TRIP12: variants seen among roughly 807,000 people sequenced by gnomAD.
TRIP12 encodes thyroid hormone receptor interactor 12.
TRIP12 carries 25 observed loss-of-function variants against 244.2 expected under a neutral mutation model. The ratio of observed to expected loss-of-function variants is 0.10; its 90% CI spans 0.07 to 0.14. TRIP12 has a LOEUF of 0.14. Among genes scored for constraint, TRIP12 ranks in the 10% least tolerant of loss-of-function variants. The pLI, the probability that TRIP12 is intolerant of heterozygous loss-of-function variation, is 1.00. For missense variants in TRIP12, 1,677 were observed against 2,486.4 expected (o/e 0.67, Z 6.92); for synonymous variants, 905 against 873.1 (o/e 1.04, Z -0.64).
intron 4 of TRIP12, among the ~76,000 whole-genome samples, chr2:229,856,428 A>T (rs1287298757): frequency 6.6e-6 from 1 of 152,192 alleles, no homozygotes; most frequent in Non-Finnish European, 1.5e-5. Flanking sequence ...AGAAAATCCC[A>T]CTGATTAGCC....
intron 1 of TRIP12, among the ~76,000 whole-genome samples, chr2:229,917,710 T>C (rs2075760506): frequency 1.3e-5 from 2 of 152,152 alleles, no homozygotes; most frequent in Admixed American, 1.3e-4. Flanking sequence ...CTGAAGAATC[T>C]GCTGGGGTCA....
Position 229,799,171 on chromosome 2 carries a change from C to G in TRIP12, c.3307+112G>C. The stretch of plus-strand genomic sequence containing the variant: ...CTGAAAGAACTAAGAACACTTAGTC[C>G]TCAGGAAACTTAGGCATACTTCAAG... On this transcript the variant is annotated intron_variant, in intron 22 of 41. Transcript: ENST00000675903. The G allele has an allele frequency of 3.3e-6, 5 of 1,522,024 alleles. No homozygotes were observed. The South Asian group carries it at 4.6e-5, about 14-fold the overall frequency. The allele number at this position is 1,522,024 out of a possible 1,614,324, so 94.3% of individuals were successfully genotyped here. A position where few individuals can be genotyped will look rare whatever the true frequency, so the allele number is the denominator to read the frequency against.
chr2:229,909,275 G>A (rs2073755254), intron 1 of TRIP12, among the ~76,000 whole-genome samples: 1 of 151,792 alleles, frequency 6.6e-6, no homozygotes, highest in Non-Finnish European at 1.5e-5. Flanking sequence ...GCCAGGAGTG[G>A]TGACTCATGC....
chr2:229,793,291 AG>A (rs1252033264), intron 26 of TRIP12, 146 bp from the exon 27 acceptor site: 1 of 781,642 alleles, frequency 1.3e-6, no homozygotes, highest in Non-Finnish European at 1.9e-6. Context: ...TGAATGGTAA[AG>A]CCAATAATTC....
chr2:229,784,909 C>G (rs984889778), intron 34 of TRIP12, among the ~76,000 whole-genome samples: 1 of 152,136 alleles, frequency 6.6e-6, no homozygotes. Context: ...AATGACTTAG[C>G]AATTTAGTTC....
At position 229,829,254 on chromosome 2, in the gene TRIP12, T is replaced by G. The variant is rs758849805; in HGVS notation, c.1389A>C (p.Leu463=). 2 of 1,613,850 alleles carry G rather than the reference T, an allele frequency of 1.2e-6. No homozygotes were observed. The highest frequency in any genetic ancestry group is 1.3e-5 in the African/African-American group (1 of 75,020). ...ACATCCGAGGACCAAGAGGACCAAATAGGTGAGGGGGAAGACCCCTTGCCT... is the reference window on the plus strand; with the variant it reads ...ACATCCGAGGACCAAGAGGACCAAAGAGGTGAGGGGGAAGACCCCTTGCCT... ...LLEARGLPPH[L]FGPLGPRMSQ... is the part of the protein sequence containing the mutation. Residue 463 remains leucine (L), a synonymous_variant, in exon 8 of 42, where the codon CTA becomes CTC. Coordinates refer to ENST00000675903, the MANE Select transcript of TRIP12 (RefSeq NM_001348323.3).
intron 33 of TRIP12, 66 bp from the exon 34 acceptor site, chr2:229,785,921 G>C: frequency 7.1e-7 from 1 of 1,407,626 alleles, no homozygotes; most frequent in African/African-American, 1.4e-5. Flanking sequence ...TAAACAGGTG[G>C]CATTTCTTGA....
At chr2:229,823,175 T>C (rs568974028) in intron 8 of TRIP12, among the ~76,000 whole-genome samples, 1 of 152,158 alleles carries the variant, frequency 6.6e-6, no homozygotes. Context: ...CTAGAAGAAA[T>C]AATGACCAAG....
At chr2:229,893,768 T>C (rs2067999323) in intron 1 of TRIP12, among the ~76,000 whole-genome samples, 1 of 152,232 alleles carries the variant, frequency 6.6e-6, no homozygotes. Context: ...TTTCCATGGA[T>C]ACATGCTTTC....
chr2:229,867,149 G>GT lies in TRIP12; in HGVS notation c.99-6619dup, dbSNP rs1208773317. Among the ~76,000 whole-genome samples, 34 of 107,668 alleles carry GT rather than the reference G, an allele frequency of 3.2e-4. 1 individual carries two copies. The highest frequency in any genetic ancestry group is 7.3e-4 in the South Asian group (2 of 2,740). The allele number at this position is 107,668 out of a possible 152,430, so 70.6% of individuals were successfully genotyped here. A position where few individuals can be genotyped will look rare whatever the true frequency, so the allele number is the denominator to read the frequency against. On this transcript the variant is annotated intron_variant, in intron 2 of 41. Coordinates refer to ENST00000675903, the MANE Select transcript of TRIP12 (RefSeq NM_001348323.3). ...TGTAGGCTATGGTCAGACAGGGAAG[G>GT]TTTTTTTTTGTTTGTTTGTTTGTTT...
intron 25 of TRIP12, among the ~76,000 whole-genome samples, chr2:229,796,034 G>C (rs2042733140): frequency 6.6e-6 from 1 of 152,184 alleles, no homozygotes; most frequent in Non-Finnish European, 1.5e-5. Flanking sequence ...TGTAAAACAA[G>C]GAGAATGCTG....
intron 6 of TRIP12, among the ~76,000 whole-genome samples, chr2:229,833,624 A>G (rs1328251267): frequency 6.6e-6 from 1 of 152,130 alleles, no homozygotes; most frequent in African/African-American, 2.4e-5. Flanking sequence ...GTTTTGACAG[A>G]AATTGGAAAC....
chr2:229,888,928 CAAT>C (rs2066663253), intron 1 of TRIP12, among the ~76,000 whole-genome samples: 1 of 152,032 alleles, frequency 6.6e-6, no homozygotes, highest in African/African-American at 2.4e-5. Flanking sequence ...AGAGAAGAGA[CAAT>C]AGCCAGGAGA....
intron 4 of TRIP12, among the ~76,000 whole-genome samples, chr2:229,856,983 AT>A (rs1243703843): frequency 1.3e-5 from 2 of 152,232 alleles, no homozygotes; most frequent in African/African-American, 4.8e-5. Context: ...AATTTTTTAT[AT>A]AGTACCTACT....
At chr2:229,842,627 T>C (rs2056707711) in intron 4 of TRIP12, among the ~76,000 whole-genome samples, 1 of 152,204 alleles carries the variant, frequency 6.6e-6, no homozygotes. Context: ...AAAAAAACCC[T>C]GTATTCTTGT....
chr2:229,879,928 A>G, intron 2 of TRIP12, 54 bp downstream of exon 2: 1 of 1,597,824 alleles, frequency 6.3e-7, no homozygotes, highest in Non-Finnish European at 8.6e-7. Flanking sequence ...GGAGGCTTAA[A>G]AATATTTTTT....
intron 1 of TRIP12, among the ~76,000 whole-genome samples, chr2:229,896,092 A>G (rs886080061): frequency 6.6e-6 from 1 of 152,156 alleles, no homozygotes; most frequent in Admixed American, 6.5e-5. Flanking sequence ...CCAGCAGAAA[A>G]GAAGTGGCCC....
At chr2:229,808,011 G>C in intron 16 of TRIP12, 147 bp from the exon 17 acceptor site, 1 of 902,376 alleles carries the variant, frequency 1.1e-6, no homozygotes, top group African/African-American at 1.7e-5. Flanking sequence ...TGTCGCCCAG[G>C]CTGGATGGCA....
At chr2:229,846,105 T>C (rs985545814) in intron 4 of TRIP12, among the ~76,000 whole-genome samples, 4 of 150,370 alleles carry the variant, frequency 2.7e-5, no homozygotes, top group Non-Finnish European at 5.9e-5. Flanking sequence ...ATCACTGAAA[T>C]GACAAGAAAG....
Sources: allele counts gnomAD v4.1 joint callset (sites outside exome capture counted in the v4.1 genomes callset), GRCh38; gene constraint gnomAD v4.1.1; transcripts MANE v1.5; gene names NCBI Gene and HGNC (gene_info 2026-07-23, HGNC 2026-07-21).